The following SCN3B variants were observed in gnomAD, a reference collection of about 807,000 sequenced individuals.
SCN3B encodes sodium channel regulatory subunit beta-3.
SCN3B carries 11 observed loss-of-function variants against 25.4 expected under a neutral mutation model. The ratio of observed to expected loss-of-function variants is 0.43; its 90% CI spans 0.27 to 0.72. The LOEUF is 0.72. SCN3B is among the 30% of genes least tolerant of loss of function. The pLI is 0.18. For missense variants in SCN3B, 218 were observed against 278.3 expected (o/e 0.78, Z 1.54); for synonymous variants, 109 against 110.7 (o/e 0.99, Z 0.09).
In SCN3B at chr11:123,633,470, G is replaced by C. The variant is rs1244370223; in HGVS notation, c.*329C>G. 6.4e-6 allele frequency: 1 copy of C among 156,616 alleles called. No homozygotes were observed. The highest frequency in any genetic ancestry group is 1.9e-4 in the East Asian group (1 of 5,318). The allele number at this position is 156,616 out of a possible 1,614,324, so 9.7% of individuals were successfully genotyped here. The stretch of plus-strand genomic sequence containing the variant: ...GTGCTAACTCCAGCACTTGTACAAA[G>C]TCATTTGGAGCACAGGGGAGAAATC... On this transcript the variant is annotated 3_prime_UTR_variant, in exon 7 of 7. Coordinates refer to ENST00000299333, the MANE Select transcript of SCN3B (RefSeq NM_001040151.2).
rs1209063341 is a variant in SCN3B, at chr11:123,642,538, T to A, written c.353A>T (p.Tyr118Phe). 1 of 1,613,912 alleles carries A rather than the reference T, an allele frequency of 6.2e-7. No homozygotes were observed. Among genetic ancestry groups the A allele is most frequent in the East Asian group, 2.2e-5 (1 of 44,876 alleles). The change falls in exon 4 of 7, where the codon TAC (tyrosine) becomes TTC (phenylalanine). Residue 118 changes from tyrosine (Y) to phenylalanine (F), a missense_variant. By Grantham distance (22) the Tyr-to-Phe change is conservative (BLOSUM62 3). Transcript: ENST00000299333. The surrounding 1 kb of genome is among the most constrained non-coding windows in gnomAD (Gnocchi z 4.3). Reference sequence around the variant, plus strand: ...AAACTCCCGGGACACATTGCAGGTGTAGAGGCCAGAGTCGTTCAGAGTGAC... The same window carrying A: ...AAACTCCCGGGACACATTGCAGGTGAAGAGGCCAGAGTCGTTCAGAGTGAC... ...LNVTLNDSGL[Y>F]TCNVSREFEF... is the part of the protein sequence containing the mutation.
chr11:123,633,733 A>T lies in SCN3B; in HGVS notation c.*66T>A, dbSNP rs769076635. The T allele has an allele frequency of 3.4e-6, 1 of 296,370 alleles. No individual in the cohort carries two copies. The highest frequency in any genetic ancestry group is 6.6e-6 in the Non-Finnish European group (1 of 150,680). 18.4% of individuals were successfully genotyped at this position (296,370 alleles called of 1,614,324 possible). On this transcript the variant is annotated 3_prime_UTR_variant, in exon 7 of 7. Coordinates refer to ENST00000299333, the MANE Select transcript of SCN3B (RefSeq NM_001040151.2). ...GGGGCGCCCTCCTGATGCCATTGACATTGCTGAACATGGGATGTCCAGTCC... is the reference window on the plus strand; with the variant it reads ...GGGGCGCCCTCCTGATGCCATTGACTTTGCTGAACATGGGATGTCCAGTCC...
At chr11:123,649,232 G>A (rs920710111) in intron 2 of SCN3B, among the ~76,000 whole-genome samples, 2 of 152,328 alleles carry the variant, frequency 1.3e-5, no homozygotes, top group Admixed American at 1.3e-4. Flanking sequence ...ACAAGTAGAT[G>A]GGATGGCAGA....
intron 2 of SCN3B, among the ~76,000 whole-genome samples, chr11:123,650,474 G>T (rs903118289): frequency 6.6e-6 from 1 of 152,130 alleles, no homozygotes; most frequent in Non-Finnish European, 1.5e-5. Context: ...CAATTTAGCT[G>T]GTCACTTAGG....
chr11:123,630,493 C>G lies in SCN3B; in HGVS notation c.*3306G>C, dbSNP rs886047887. 2.6e-5 allele frequency: 4 copies of G among 152,602 alleles called. 1 individual carries two copies. The allele number at this position is 152,602 out of a possible 1,614,324, so 9.5% of individuals were successfully genotyped here. ...TAGCCCTTGAGAACTCTTCTAAGCC[C>G]TTTAATAAGCAACATCATGCCAGAT... is the stretch of plus-strand genomic sequence containing the variant. On this transcript the variant is annotated 3_prime_UTR_variant, in exon 7 of 7. Transcript: ENST00000299333.
intron 4 of SCN3B, chr11:123,640,912 A>G (rs1255070320): frequency 6.6e-6 from 1 of 152,230 alleles, no homozygotes; most frequent in South Asian, 2.1e-4. Flanking sequence ...CCGACCATCC[A>G]CGAGGCTCTG....
chr11:123,645,837 G>A lies in SCN3B; in HGVS notation c.56-87C>T, dbSNP rs577988807. The stretch of plus-strand genomic sequence containing the variant: ...GAAACATTGGAGAAGAAGGAGGGAG[G>A]GAAGAGAGACAGAGAAGGAAGAGTC... On this transcript the variant is annotated intron_variant, in intron 2 of 6. Coordinates refer to ENST00000299333, the MANE Select transcript of SCN3B (RefSeq NM_001040151.2). 2.9e-5 allele frequency: 43 copies of A among 1,476,376 alleles called. 1 individual carries two copies. The East Asian group carries it at 8.6e-4, about 30-fold the overall frequency. 91.5% of individuals were successfully genotyped at this position (1,476,376 alleles called of 1,614,324 possible).
At position 123,633,137 on chromosome 11, in the gene SCN3B, C is replaced by T. The variant is rs1304547109; in HGVS notation, c.*662G>A. 1.3e-5 allele frequency: 2 copies of T among 152,220 alleles called. No individual in the cohort carries two copies. Among genetic ancestry groups the T allele is most frequent in the Non-Finnish European group, 2.9e-5 (2 of 68,050 alleles). 9.4% of individuals were successfully genotyped at this position (152,220 alleles called of 1,614,324 possible). On this transcript the variant is annotated 3_prime_UTR_variant, in exon 7 of 7. Transcript: ENST00000299333. ...CATTGGTCCTTCCCAAGTCTCCTGT[C>T]CTTGTCTTCTTGGAGGGAACCTTAG... is the stretch of plus-strand genomic sequence containing the variant.
chr11:123,653,927 A>T, intron 1 of SCN3B, 101 bp from the exon 2 acceptor site: 3 of 1,123,788 alleles, frequency 2.7e-6, no homozygotes, highest in Non-Finnish European at 4.0e-6. Context: ...TTTCTGACCG[A>T]AGGAAGGGCC....
chr11:123,650,606 A>G (rs1955912693), intron 2 of SCN3B, among the ~76,000 whole-genome samples: 1 of 152,156 alleles, frequency 6.6e-6, no homozygotes, highest in Non-Finnish European at 1.5e-5. Flanking sequence ...GTGAGGCCCT[A>G]GGACAGGTGA....
intron 2 of SCN3B, among the ~76,000 whole-genome samples, chr11:123,651,890 A>G (rs1032391234): frequency 2.6e-5 from 4 of 152,176 alleles, no homozygotes; most frequent in African/African-American, 9.7e-5. Context: ...TCTACCATTC[A>G]TCTGTGGAGC....
chr11:123,641,923 G>A (rs767194235), intron 4 of SCN3B, among the ~76,000 whole-genome samples: 4 of 152,306 alleles, frequency 2.6e-5, no homozygotes, highest in East Asian at 1.9e-4. Flanking sequence ...AGTGTGTCAC[G>A]CAGTGCAAAC....
chr11:123,651,803 C>T (rs930015637), intron 2 of SCN3B, among the ~76,000 whole-genome samples: 2 of 152,206 alleles, frequency 1.3e-5, no homozygotes, highest in Non-Finnish European at 2.9e-5. Flanking sequence ...ATACTGTGTA[C>T]ACTTCTTCCA....
chr11:123,636,386 T>C (rs1192219610), intron 5 of SCN3B, among the ~76,000 whole-genome samples: 1 of 152,190 alleles, frequency 6.6e-6, no homozygotes, highest in Non-Finnish European at 1.5e-5. Flanking sequence ...TTTCCAAGTC[T>C]TTTTCTTCCT....
intron 3 of SCN3B, 148 bp downstream of exon 3, chr11:123,645,439 G>T: frequency 1.1e-6 from 1 of 889,058 alleles, no homozygotes; most frequent in Non-Finnish European, 1.9e-6. Flanking sequence ...GCTTCACTAA[G>T]GCTGTCAGTT....
At chr11:123,644,452 G>T (rs1394376940) in intron 3 of SCN3B, among the ~76,000 whole-genome samples, 1 of 152,044 alleles carries the variant, frequency 6.6e-6, no homozygotes, top group Non-Finnish European at 1.5e-5. Context: ...AGTAAATAAT[G>T]GTCATCTCCA....
intron 5 of SCN3B, among the ~76,000 whole-genome samples, chr11:123,637,646 A>T (rs1955743894): frequency 6.6e-6 from 1 of 152,094 alleles, no homozygotes; most frequent in African/African-American, 2.4e-5. Context: ...CTCCTGCCTC[A>T]GCCTCCCGAG....
At position 123,634,138 on chromosome 11, in the gene SCN3B, C is replaced by G; in HGVS notation, c.*5G>C. ...TAGGTCACCTCATGTCACACTGCTC[C>G]TGTTCTATTCCTCCACTGGTACCGC... is the stretch of plus-strand genomic sequence containing the variant. On this transcript the variant is annotated 3_prime_UTR_variant, in exon 6 of 7. Coordinates refer to ENST00000299333, the MANE Select transcript of SCN3B (RefSeq NM_001040151.2). 8 of 1,613,736 alleles carry G rather than the reference C, an allele frequency of 5.0e-6. No individual in the cohort carries two copies. The highest frequency in any genetic ancestry group is 6.8e-6 in the Non-Finnish European group (8 of 1,179,728).
chr11:123,643,922 G>A (rs938062354), intron 3 of SCN3B, among the ~76,000 whole-genome samples: 3 of 152,244 alleles, frequency 2.0e-5, no homozygotes, highest in African/African-American at 7.2e-5. Flanking sequence ...AGTACCAGAC[G>A]GTTGCAAATC....
Sources: allele counts gnomAD v4.1 joint callset (sites outside exome capture counted in the v4.1 genomes callset), GRCh38; gene constraint gnomAD v4.1.1; non-coding constraint Gnocchi (gnomAD v3.1); transcripts MANE v1.5; gene names NCBI Gene and HGNC (gene_info 2026-07-23, HGNC 2026-07-21).